SCN9A: variants seen among roughly 807,000 people sequenced by gnomAD.
SCN9A encodes sodium voltage-gated channel alpha subunit 9.
A neutral mutation model predicts 187.0 loss-of-function variants in SCN9A; 131 were observed. The observed-to-expected ratio is 0.70, with a 90% confidence interval of 0.61 to 0.81. The LOEUF is 0.81. Among genes scored for constraint, SCN9A ranks in the 30% least tolerant of loss-of-function variants. The pLI is 0.00. For missense variants in SCN9A, 2,252 were observed against 2,396.6 expected (o/e 0.94, Z 1.26); for synonymous variants, 809 against 808.6 (o/e 1.00, Z -0.01).
intron 5 of SCN9A, among the ~76,000 whole-genome samples, chr2:166,304,544 T>C (rs955598389): frequency 2.0e-5 from 3 of 152,144 alleles, no homozygotes; most frequent in African/African-American, 4.8e-5. Context: ...TTAAATTGGA[T>C]TCATACACTT....
At chr2:166,285,949 A>G (rs1697720134) in intron 11 of SCN9A, among the ~76,000 whole-genome samples, 2 of 152,224 alleles carry the variant, frequency 1.3e-5, no homozygotes, top group African/African-American at 2.4e-5. Context: ...TATACTGTTT[A>G]AGAAAGAAGA....
intron 17 of SCN9A, among the ~76,000 whole-genome samples, chr2:166,270,017 C>T (rs533809189): frequency 6.6e-6 from 1 of 152,000 alleles, no homozygotes; most frequent in Admixed American, 6.6e-5. Context: ...GATGCCTGCT[C>T]CTTAAAAGGC....
chr2:166,222,626 A>AAAAC lies in SCN9A; in HGVS notation c.4398+3937_4398+3940dup, dbSNP rs200535261. Among the ~76,000 whole-genome samples, 90 of 147,034 alleles carry AAAAC rather than the reference A, an allele frequency of 6.1e-4. 1 individual carries two copies. The highest frequency in any genetic ancestry group is 2.0e-3 in the African/African-American group (78 of 39,664). Reference sequence around the variant, plus strand: ...CTGGTGACAGAGTGAGACTCCTTCAAAAACAAACAAACAAACAGCAACAAG... The same window carrying AAAAC: ...CTGGTGACAGAGTGAGACTCCTTCAAAAACAAACAAACAAACAAACAGCAACAAG... On this transcript the variant is annotated intron_variant, in intron 24 of 26. Transcript: ENST00000642356.
At chr2:166,298,018 T>C (rs956230617) in intron 7 of SCN9A, among the ~76,000 whole-genome samples, 1 of 152,202 alleles carries the variant, frequency 6.6e-6, no homozygotes, top group Non-Finnish European at 1.5e-5. Flanking sequence ...AGACAACTTA[T>C]GACAATTGTG....
At chr2:166,282,298 T>A (rs1697525122) in intron 12 of SCN9A, among the ~76,000 whole-genome samples, 1 of 152,150 alleles carries the variant, frequency 6.6e-6, no homozygotes, top group African/African-American at 2.4e-5. Context: ...CCTGTAATGG[T>A]TGTCTCTTAC....
In SCN9A at chr2:166,195,793, A is replaced by T. The variant is rs1202340535; in HGVS notation, c.*2879T>A. On this transcript the variant is annotated 3_prime_UTR_variant, in exon 27 of 27. Transcript: ENST00000642356. ...TTGGGGCATGGTGGCTCATGCCTGT[A>T]ACCCCAGCATGTTGGCAGGTCATGA... is the stretch of plus-strand genomic sequence containing the variant. 6.6e-6 allele frequency: 1 copy of T among 152,194 alleles called. No homozygotes were observed. The highest frequency in any genetic ancestry group is 1.5e-5 in the Non-Finnish European group (1 of 68,036). 9.4% of individuals were successfully genotyped at this position (152,194 alleles called of 1,614,324 possible).
At chr2:166,358,435 T>A (rs1700204073) in intron 1 of SCN9A, among the ~76,000 whole-genome samples, 1 of 152,126 alleles carries the variant, frequency 6.6e-6, no homozygotes, top group Admixed American at 6.6e-5. Flanking sequence ...AGGGATCTTT[T>A]CATATCCTCA....
chr2:166,309,405 G>A (rs77441037), intron 2 of SCN9A, among the ~76,000 whole-genome samples: 75 of 152,176 alleles, frequency 4.9e-4, no homozygotes, highest in African/African-American at 1.5e-3. Flanking sequence ...TATAAAATTT[G>A]GCAGATCACT....
At chr2:166,238,652 A>C (rs975740873) in intron 19 of SCN9A, among the ~76,000 whole-genome samples, 2 of 152,058 alleles carry the variant, frequency 1.3e-5, no homozygotes, top group Non-Finnish European at 2.9e-5. Flanking sequence ...TTCACATCCT[A>C]CACTCCCCTT....
chr2:166,356,871 T>C (rs570782066), intron 1 of SCN9A, among the ~76,000 whole-genome samples: 25 of 152,330 alleles, frequency 1.6e-4, no homozygotes, highest in African/African-American at 5.3e-4. Context: ...ATTCCCACAC[T>C]GTAGAACATT....
In SCN9A at chr2:166,195,302, A is replaced by G. The variant is rs1693214384; in HGVS notation, c.*3370T>C. The G allele has an allele frequency of 1.3e-5, 2 of 152,232 alleles. No individual in the cohort carries two copies. The highest frequency in any genetic ancestry group is 4.8e-5 in the African/African-American group (2 of 41,458). 9.4% of individuals were successfully genotyped at this position (152,232 alleles called of 1,614,324 possible). On this transcript the variant is annotated 3_prime_UTR_variant, in exon 27 of 27. Coordinates refer to ENST00000642356, the MANE Select transcript of SCN9A (RefSeq NM_001365536.1). ...ACTCAAACATTTTGAGCATTCATAG[A>G]TCTATGAAATTTGTAAAGAATCCTA...
At chr2:166,247,916 G>A (rs774262447) in intron 18 of SCN9A, among the ~76,000 whole-genome samples, 1 of 151,910 alleles carries the variant, frequency 6.6e-6, no homozygotes, top group African/African-American at 2.4e-5. Context: ...TAAAGAACAG[G>A]GCAAGATATA....
chr2:166,307,301 A>G (rs536905377), intron 2 of SCN9A, among the ~76,000 whole-genome samples: 1 of 152,326 alleles, frequency 6.6e-6, no homozygotes, highest in South Asian at 2.1e-4. Context: ...GCTATTTGTT[A>G]GCATGTATTG....
chr2:166,302,862 G>A, intron 7 of SCN9A: 2 of 307,430 alleles, frequency 6.5e-6, no homozygotes, highest in Non-Finnish European at 1.2e-5. Context: ...TAGAAATTAG[G>A]AATTATGGAA....
At chr2:166,209,369 T>C (rs1693968689) in intron 24 of SCN9A, among the ~76,000 whole-genome samples, 2 of 152,024 alleles carry the variant, frequency 1.3e-5, no homozygotes, top group Non-Finnish European at 2.9e-5. Context: ...GAATTCAAAA[T>C]AATTATCCTA....
chr2:166,336,672 G>C (rs954502719), intron 1 of SCN9A, among the ~76,000 whole-genome samples: 1 of 152,076 alleles, frequency 6.6e-6, no homozygotes, highest in African/African-American at 2.4e-5. Flanking sequence ...GGCCTGAGAG[G>C]CTGGCTGGGT....
intron 1 of SCN9A, among the ~76,000 whole-genome samples, chr2:166,360,802 C>T (rs187628994): frequency 1.5e-3 from 225 of 152,314 alleles, no homozygotes; most frequent in African/African-American, 5.1e-3. Flanking sequence ...TCCTTCTTCC[C>T]TATACAGACT....
intron 1 of SCN9A, among the ~76,000 whole-genome samples, chr2:166,317,370 G>A (rs192222550): frequency 6.6e-6 from 1 of 151,872 alleles, no homozygotes; most frequent in Admixed American, 6.6e-5. Flanking sequence ...TACTATGATT[G>A]TATCTTCTTT....
chr2:166,329,826 C>A (rs769633498), intron 1 of SCN9A, among the ~76,000 whole-genome samples: 13 of 152,144 alleles, frequency 8.5e-5, no homozygotes, highest in Non-Finnish European at 1.2e-4. Flanking sequence ...ATTTGCTGGT[C>A]TGTACTATGA....
Sources: gnomAD v4.1 joint callset for allele counts (sites outside exome capture counted in the v4.1 genomes callset) on GRCh38, gnomAD v4.1.1 for gene constraint, MANE v1.5 for transcripts, NCBI Gene and HGNC (gene_info 2026-07-23, HGNC 2026-07-21) for gene names.